The following HSD17B3 variants were observed in gnomAD, a reference collection of about 807,000 sequenced individuals.
HSD17B3 encodes 17-beta-hydroxysteroid dehydrogenase type 3.
In HSD17B3, 29 loss-of-function variants were observed where a neutral mutation model predicts 41.1. That is an observed-to-expected ratio of 0.71 (90% CI 0.53 to 0.96). The LOEUF (loss-of-function observed/expected upper bound fraction) is 0.96. Among genes scored for constraint, HSD17B3 ranks in the 40% least tolerant of loss-of-function variants. The pLI, the probability that HSD17B3 is intolerant of heterozygous loss-of-function variation, is 0.00. For synonymous variants in HSD17B3, 126 were observed against 145.6 expected (o/e 0.87, Z 0.97); for missense variants, 323 against 374.6 (o/e 0.86, Z 1.14).
intron 8 of HSD17B3, 91 bp downstream of exon 8, chr9:96,245,254 T>G: frequency 1.0e-6 from 1 of 986,050 alleles, no homozygotes; most frequent in Non-Finnish European, 1.6e-6. Flanking sequence ...GGTAAACCTT[T>G]CCATCAACTT....
intron 9 of HSD17B3, among the ~76,000 whole-genome samples, chr9:96,242,749 C>A (rs1836505138): frequency 6.6e-6 from 1 of 152,138 alleles, no homozygotes; most frequent in Non-Finnish European, 1.5e-5. Context: ...CCATAGTACC[C>A]ACTACCTCGG....
At chr9:96,244,950 C>A (rs1185812044) in intron 8 of HSD17B3, among the ~76,000 whole-genome samples, 3 of 152,084 alleles carry the variant, frequency 2.0e-5, no homozygotes, top group Non-Finnish European at 4.4e-5. Flanking sequence ...ATCCCTAGGG[C>A]CCCTGCATAG....
chr9:96,244,241 C>A lies in HSD17B3; in HGVS notation c.672+88G>T, dbSNP rs1264450122. On this transcript the variant is annotated intron_variant, in intron 9 of 10. Transcript: ENST00000375263. Reference sequence around the variant, plus strand: ...CCACAGGAGGCAGTGGCCCCAGCCACGGGAGGTCCAGAGTAACCCTTCTCA... The same window carrying A: ...CCACAGGAGGCAGTGGCCCCAGCCAAGGGAGGTCCAGAGTAACCCTTCTCA... 6.1e-6 allele frequency: 8 copies of A among 1,306,450 alleles called. No individual in the cohort carries two copies. The South Asian group carries it at 8.2e-5, about 13-fold the overall frequency. The allele number at this position is 1,306,450 out of a possible 1,614,324, so 80.9% of individuals were successfully genotyped here. A position where few individuals can be genotyped will look rare whatever the true frequency, so the allele number is the denominator to read the frequency against.
chr9:96,263,389 T>C (rs1825932634), intron 2 of HSD17B3, among the ~76,000 whole-genome samples: 1 of 152,002 alleles, frequency 6.6e-6, no homozygotes, highest in South Asian at 2.1e-4. Context: ...TTGATTACAG[T>C]GTAGCAAAGA....
At position 96,244,412 on chromosome 9, in the gene HSD17B3, G is replaced by C; in HGVS notation, c.607-18C>G. On this transcript the variant is annotated intron_variant, in intron 8 of 10. Transcript: ENST00000375263. The stretch of plus-strand genomic sequence containing the variant: ...ACAAACGCCTGGAGCAAGAAGGAGA[G>C]ACACCTGAGGCCCCAGAGTGAGCTC... 24 of 1,613,906 alleles carry C rather than the reference G, an allele frequency of 1.5e-5. No homozygotes were observed. Among genetic ancestry groups the C allele is most frequent in the Non-Finnish European group, 1.9e-5 (23 of 1,179,806 alleles).
At chr9:96,255,972 G>C (rs1181893554) in intron 2 of HSD17B3, among the ~76,000 whole-genome samples, 1 of 152,192 alleles carries the variant, frequency 6.6e-6, no homozygotes, top group African/African-American at 2.4e-5. Context: ...TGGAGCGCTG[G>C]GGGGTCACAG....
intron 2 of HSD17B3, among the ~76,000 whole-genome samples, chr9:96,273,556 T>G (rs1238121476): frequency 6.6e-6 from 1 of 152,166 alleles, no homozygotes; most frequent in Non-Finnish European, 1.5e-5. Context: ...TTTTCACAGA[T>G]GCCGATCCAA....
intron 10 of HSD17B3, among the ~76,000 whole-genome samples, chr9:96,240,067 T>C (rs745812473): frequency 1.3e-4 from 18 of 133,712 alleles, no homozygotes; most frequent in Non-Finnish European, 2.0e-4. Context: ...CACCGGGGCC[T>C]GTCGGGGGGT....
At chr9:96,254,598 GATGTAGCA>G (rs1825552498) in intron 3 of HSD17B3, among the ~76,000 whole-genome samples, 2 of 152,212 alleles carry the variant, frequency 1.3e-5, no homozygotes, top group South Asian at 4.1e-4. Context: ...GAGCAGGGCT[GATGTAGCA>G]ATGAAGGAAC....
Position 96,298,444 on chromosome 9 carries a change from T to C in HSD17B3, c.173A>G (p.Asp58Gly), listed in dbSNP as rs765832166. 1.2e-6 allele frequency: 2 copies of C among 1,613,848 alleles called. No individual in the cohort carries two copies. The highest frequency in any genetic ancestry group is 3.3e-5 in the Admixed American group (2 of 60,022). The change falls in exon 2 of 11, where the codon GAT becomes GGT. Residue 58 changes from aspartate (D) to glycine (G), a missense_variant. Transcript: ENST00000375263. ...GAACGAGTACGCTTTCCCAATTCCATCGCCTGCTCCAGTGATCACTGTGAA... is the reference window on the plus strand; with the variant it reads ...GAACGAGTACGCTTTCCCAATTCCACCGCCTGCTCCAGTGATCACTGTGAA... ...GQWAVITGAG[D>G]GIGKAYSFEL...
intron 10 of HSD17B3, among the ~76,000 whole-genome samples, chr9:96,237,939 G>A (rs892011492): frequency 2.6e-5 from 4 of 152,096 alleles, no homozygotes; most frequent in Admixed American, 2.0e-4. Flanking sequence ...AGACCAGTCT[G>A]GGCAACAAAG....
intron 5 of HSD17B3, chr9:96,250,560 C>T: frequency 1.3e-6 from 1 of 793,342 alleles, no homozygotes; most frequent in Non-Finnish European, 1.6e-6. Flanking sequence ...AGGTCAGGGC[C>T]TAAGAAAGGG....
chr9:96,288,662 C>T (rs1241408158), intron 2 of HSD17B3, among the ~76,000 whole-genome samples: 1 of 152,080 alleles, frequency 6.6e-6, no homozygotes, highest in East Asian at 1.9e-4. Flanking sequence ...TTAGGCCAGG[C>T]TCGGTGGCTC....
intron 2 of HSD17B3, among the ~76,000 whole-genome samples, chr9:96,267,740 T>A (rs911394277): frequency 1.8e-4 from 27 of 152,186 alleles, no homozygotes; most frequent in African/African-American, 6.3e-4. Context: ...AAATAAAGAA[T>A]GTTTTCAGGA....
intron 1 of HSD17B3, among the ~76,000 whole-genome samples, chr9:96,298,719 T>A (rs1023786322): frequency 6.6e-6 from 1 of 152,120 alleles, no homozygotes. Context: ...TTTGGAGGGA[T>A]TGGCGAGACT....
At chr9:96,252,748 T>A in intron 4 of HSD17B3, 55 bp downstream of exon 4, 1 of 876,270 alleles carries the variant, frequency 1.1e-6, no homozygotes, top group Non-Finnish European at 2.0e-6. Context: ...CTCATCAGTG[T>A]CAGGTTATTT....
chr9:96,298,180 A>T (rs973297961), intron 2 of HSD17B3, among the ~76,000 whole-genome samples: 4 of 152,188 alleles, frequency 2.6e-5, no homozygotes, highest in Non-Finnish European at 4.4e-5. Flanking sequence ...ATGCCCCACA[A>T]ATTCCCAAAA....
intron 2 of HSD17B3, among the ~76,000 whole-genome samples, chr9:96,276,430 G>A (rs1826462169): frequency 6.6e-6 from 1 of 152,034 alleles, no homozygotes; most frequent in Admixed American, 6.6e-5. Flanking sequence ...AACCACAAAA[G>A]ATCACAAATA....
chr9:96,279,706 T>C (rs1008472038), intron 2 of HSD17B3, among the ~76,000 whole-genome samples: 3 of 152,082 alleles, frequency 2.0e-5, no homozygotes, highest in African/African-American at 7.2e-5. Flanking sequence ...GTAAAATACT[T>C]TGATTTCTTT....
Sources: gnomAD v4.1 joint callset for allele counts (sites outside exome capture counted in the v4.1 genomes callset) on GRCh38, gnomAD v4.1.1 for gene constraint, MANE v1.5 for transcripts, NCBI Gene and HGNC (gene_info 2026-07-23, HGNC 2026-07-21) for gene names.